The following KCTD1 variants were observed in gnomAD, a reference collection of about 807,000 sequenced individuals.
The protein encoded by KCTD1 is potassium channel tetramerization domain containing 1.
In KCTD1, 24 loss-of-function variants were observed where a neutral mutation model predicts 66.0. That is an observed-to-expected ratio of 0.36 (90% confidence interval 0.26 to 0.51). The LOEUF (loss-of-function observed/expected upper bound fraction) is 0.51. Ranked by LOEUF, KCTD1 falls within the 20% of genes least tolerant of loss-of-function variation. The probability of loss-of-function intolerance (pLI) is 0.95; values close to 1 mark genes in which losing one functional copy is unlikely to be tolerated. For missense variants in KCTD1, 943 were observed against 1,205.2 expected, an observed-to-expected ratio of 0.78 and a Z score of 3.22; for synonymous variants, 511 against 517.2, an observed-to-expected ratio of 0.99 and a Z score of 0.16.
intron 1 of KCTD1, among the ~76,000 whole-genome samples, chr18:26,603,375 T>A (rs1386199149): frequency 6.8e-6 from 1 of 146,894 alleles, no homozygotes; most frequent in African/African-American, 2.5e-5. Flanking sequence ...GAGGCTGCAG[T>A]GAACCAAGAT....
chr18:26,593,885 G>GGAGGAGGAGGAGGAGGAAGAT (rs1986705657), intron 1 of KCTD1, among the ~76,000 whole-genome samples: 1 of 90,524 alleles, frequency 1.1e-5, no homozygotes, highest in Admixed American at 1.0e-4. Flanking sequence ...AGGAAGATAA[G>GGAGGAGGAGGAGGAGGAAGAT]GAGGAGGAGG....
chr18:26,511,546 C>G (rs1309121113), intron 1 of KCTD1, among the ~76,000 whole-genome samples: 1 of 152,178 alleles, frequency 6.6e-6, no homozygotes, highest in African/African-American at 2.4e-5. Flanking sequence ...AATGAAACAG[C>G]GTCTAACATG....
chr18:26,616,458 C>G (rs990398805), intron 1 of KCTD1, among the ~76,000 whole-genome samples: 1 of 71,770 alleles, frequency 1.4e-5, no homozygotes, highest in Non-Finnish European at 2.8e-5. Flanking sequence ...TAATCCCTTA[C>G]ATACATATAT....
chr18:26,548,280 TC>T lies in KCTD1; in HGVS notation c.256del (p.Glu86ArgfsTer37). On this transcript the variant is annotated frameshift_variant, in exon 1 of 5. Transcript: ENST00000580059. LOFTEE classifies it high-confidence loss of function. ...EEEEDGGGGL[E>X]EDEEEEEEEE... ...CTCTTCCTCCTCCTCCTCGTCCTCC[TC>T]CAGCCCCCCACCTCCGTCCTCCTCC... 6.6e-7 allele frequency: 1 copy of T among 1,510,700 alleles called. No homozygotes were observed. Among genetic ancestry groups the T allele is most frequent in the Non-Finnish European group, 8.8e-7 (1 of 1,132,924 alleles). 93.6% of individuals were successfully genotyped at this position (1,510,700 alleles called of 1,614,324 possible).
chr18:26,651,834 C>G (rs558604937), intron 1 of KCTD1, among the ~76,000 whole-genome samples: 2 of 142,192 alleles, frequency 1.4e-5, no homozygotes, highest in East Asian at 4.0e-4. Flanking sequence ...GTAAAGTGTA[C>G]AGAGTCTAAT....
In KCTD1 at chr18:26,520,694, T is replaced by C. The variant is rs191397248; in HGVS notation, c.1810-19444A>G. 1.2e-3 allele frequency among the ~76,000 whole-genome samples: 181 copies of C among 152,338 alleles called. 3 individuals carry two copies. Among genetic ancestry groups the C allele is most frequent in the African/African-American group, 3.9e-3 (164 of 41,584 alleles). On this transcript the variant is annotated intron_variant, in intron 1 of 4. Coordinates refer to ENST00000580059, the MANE Select transcript of KCTD1 (RefSeq NM_001142730.3). Reference sequence around the variant, plus strand: ...TGTCAGCTGACCCCACATTTTAGCTTTAAAATGTTTACTATGTCCCAAACA... The same window carrying C: ...TGTCAGCTGACCCCACATTTTAGCTCTAAAATGTTTACTATGTCCCAAACA...
intron 1 of KCTD1, among the ~76,000 whole-genome samples, chr18:26,656,507 T>G (rs1988145390): frequency 6.7e-6 from 1 of 148,490 alleles, no homozygotes; most frequent in Non-Finnish European, 1.5e-5. Context: ...GGCGCCTGGG[T>G]GGGCGGAGGC....
intron 1 of KCTD1, among the ~76,000 whole-genome samples, chr18:26,536,543 T>C (rs1304204368): frequency 6.6e-6 from 1 of 152,172 alleles, no homozygotes; most frequent in East Asian, 1.9e-4. Flanking sequence ...AGGCCACTTT[T>C]GGTCCCATTT....
At chr18:26,639,904 C>A (rs1025742419) in intron 1 of KCTD1, among the ~76,000 whole-genome samples, 24 of 152,184 alleles carry the variant, frequency 1.6e-4, no homozygotes, top group Non-Finnish European at 4.4e-5. Context: ...AGAATCAATA[C>A]ACACGTGCAT....
chr18:26,609,557 A>G (rs1987089882), intron 1 of KCTD1, among the ~76,000 whole-genome samples: 1 of 152,168 alleles, frequency 6.6e-6, no homozygotes, highest in South Asian at 2.1e-4. Flanking sequence ...AAAATCCTGG[A>G]TACAATTTAC....
At chr18:26,514,413 G>A (rs554798724) in intron 1 of KCTD1, among the ~76,000 whole-genome samples, 55 of 152,072 alleles carry the variant, frequency 3.6e-4, no homozygotes, top group Non-Finnish European at 4.7e-4. Flanking sequence ...CTGGCTGGGC[G>A]TAGTGGTCTC....
chr18:26,583,393 C>CAAAAAAAAAAAAAAAAAAAAA (rs55720907), intron 1 of KCTD1, among the ~76,000 whole-genome samples: 2 of 83,824 alleles, frequency 2.4e-5, no homozygotes, highest in African/African-American at 4.7e-5. Context: ...GACTTTGTCT[C>CAAAAAAAAAAAAAAAAAAAAA]AAAAAAAAAA....
chr18:26,457,442 C>CATG (rs1980153068), intron 4 of KCTD1: 1 of 152,164 alleles, frequency 6.6e-6, no homozygotes, highest in Admixed American at 6.5e-5. Context: ...GATCCCTTGC[C>CATG]ATGATTAGGA....
At chr18:26,587,806 G>A (rs910361400) in intron 1 of KCTD1, among the ~76,000 whole-genome samples, 2 of 152,208 alleles carry the variant, frequency 1.3e-5, no homozygotes, top group Non-Finnish European at 2.9e-5. Flanking sequence ...AGTGGAGCCT[G>A]AAGATGTGAC....
intron 2 of KCTD1, among the ~76,000 whole-genome samples, chr18:26,499,489 T>C (rs1003792975): frequency 9.2e-5 from 14 of 152,234 alleles, no homozygotes; most frequent in Non-Finnish European, 2.9e-5. Context: ...TTTTGGATAA[T>C]TGAACAAATG....
At chr18:26,643,819 G>C (rs189882728), upstream of KCTD1, among the ~76,000 whole-genome samples, 1 of 152,092 alleles carries the variant, frequency 6.6e-6, no homozygotes, top group East Asian at 1.9e-4. Context: ...AAAATTAGCC[G>C]GGCTTGGTGG....
upstream of KCTD1, chr18:26,549,198 T>A (rs1416673758): frequency 1.0e-6 from 1 of 985,200 alleles, no homozygotes; most frequent in African/African-American, 1.8e-5. Flanking sequence ...CGGGCGAGGC[T>A]TGGGAGCGGG....
chr18:26,565,009 G>T (rs1311829518), intron 1 of KCTD1, among the ~76,000 whole-genome samples: 3 of 152,144 alleles, frequency 2.0e-5, no homozygotes, highest in Non-Finnish European at 4.4e-5. Flanking sequence ...CTAAATCCTA[G>T]GCTAAAATGA....
chr18:26,630,827 C>G (rs993784721), upstream of KCTD1, among the ~76,000 whole-genome samples: 19 of 152,240 alleles, frequency 1.2e-4, no homozygotes, highest in African/African-American at 4.6e-4. Context: ...ATCATTGAGT[C>G]TTGGGTAACT....
Sources: gnomAD v4.1 joint callset for allele counts (sites outside exome capture counted in the v4.1 genomes callset) on GRCh38, gnomAD v4.1.1 for gene constraint, MANE v1.5 for transcripts, NCBI Gene and HGNC (gene_info 2026-07-23, HGNC 2026-07-21) for gene names.